The following HEATR4 variants were observed in gnomAD, a reference collection of about 807,000 sequenced individuals.
The protein encoded by HEATR4 is HEAT repeat containing 4.
HEATR4 carries 95 observed loss-of-function variants against 108.8 expected under a neutral mutation model. The ratio of observed to expected loss-of-function variants is 0.87; its 90% CI spans 0.74 to 1.04. The LOEUF is 1.04. Ranked by LOEUF, HEATR4 falls within the 50% of genes least tolerant of loss-of-function variation. HEATR4 has a pLI of 0.00. For missense variants in HEATR4, 1,152 were observed against 1,253.8 expected, an observed-to-expected ratio of 0.92 and a Z score of 1.23; for synonymous variants, 443 against 459.4, an observed-to-expected ratio of 0.96 and a Z score of 0.46.
At position 73,498,281 on chromosome 14, in the gene HEATR4, T is replaced by C. The variant is rs1161024262; in HGVS notation, c.2420A>G (p.Tyr807Cys). 3 of 1,613,906 alleles carry C rather than the reference T, an allele frequency of 1.9e-6. No homozygotes were observed. The highest frequency in any genetic ancestry group is 2.2e-5 in the East Asian group (1 of 44,892). ...LTDLLLWAIH[Y>C]EESPGVRLEA... ...CAGCCGTACACCTGGTGACTCTTCA[T>C]AGTGGATAGCCCAGAGCAGAAGATC... Residue 807 changes from tyrosine to cysteine, a missense_variant, in exon 14 of 18, where the codon TAT (tyrosine) becomes TGT (cysteine). By Grantham distance (194) the Tyr-to-Cys change is radical. Transcript: ENST00000553558.
rs1889408969 is a variant in HEATR4, at chr14:73,557,041, C to G, written c.-152+1710G>C. Among the ~76,000 whole-genome samples, 2 of 114,068 alleles carry G rather than the reference C, an allele frequency of 1.8e-5. 1 individual carries two copies. The highest frequency in any genetic ancestry group is 5.5e-4 in the South Asian group (2 of 3,620). 74.8% of individuals were successfully genotyped at this position (114,068 alleles called of 152,430 possible). On this transcript the variant is annotated intron_variant, in intron 1 of 17. Coordinates refer to ENST00000553558, the MANE Select transcript of HEATR4 (RefSeq NM_001220484.1). The stretch of plus-strand genomic sequence containing the variant: ...CACCCCACTCCCAACAAATAGCCCT[C>G]TAGAACCAAAAGCAGAGTGGCAGGT...
chr14:73,484,861 C>T (rs1003364044), intron 17 of HEATR4, among the ~76,000 whole-genome samples: 1 of 148,406 alleles, frequency 6.7e-6, no homozygotes, highest in Non-Finnish European at 1.5e-5. Flanking sequence ...CACACACACA[C>T]ATATATGGTT....
At chr14:73,577,803 C>A in the HEATR4 span, among the ~76,000 whole-genome samples, 1 of 151,826 alleles carries the variant, frequency 6.6e-6, no homozygotes, top group Non-Finnish European at 1.5e-5. Context: ...TGCTTGAGCC[C>A]AGGAGTTCAA....
chr14:73,569,610 C>T, the HEATR4 span: 12 of 1,600,868 alleles, frequency 7.5e-6, no homozygotes, highest in Admixed American at 1.7e-5. Flanking sequence ...CGAGCTGGAC[C>T]TGGAGCGCGC....
the HEATR4 span, among the ~76,000 whole-genome samples, chr14:73,589,189 T>C: frequency 1.6e-4 from 24 of 152,334 alleles, no homozygotes; most frequent in East Asian, 4.0e-3. Flanking sequence ...TACAGTATCA[T>C]ACAGAACAGC....
In HEATR4 at chr14:73,520,953, A is replaced by G. The variant is rs868711648; in HGVS notation, c.968T>C (p.Leu323Pro). 6.2e-7 allele frequency: 1 copy of G among 1,613,754 alleles called. No homozygotes were observed. Among genetic ancestry groups the G allele is most frequent in the African/African-American group, 1.3e-5 (1 of 74,894 alleles). ...GTAGCTCTGGGTTTGGGGCTGGGAG[A>G]GGCTCGTCTTTTCATGGATATCCTC... ...STEDIHEKTS[L>P]SQPQTQSYFR... Residue 323 changes from leucine (L) to proline (P), a missense_variant, in exon 4 of 18, where the codon CTC becomes CCC. Leu to Pro is a moderately conservative substitution (Grantham distance 98, BLOSUM62 -3). Transcript: ENST00000553558.
At chr14:73,490,909 G>A (rs1885662856) in intron 17 of HEATR4, 4 of 1,199,626 alleles carry the variant, frequency 3.3e-6, no homozygotes, top group Non-Finnish European at 4.2e-6. Context: ...ACCCCGAGGT[G>A]GCTGGAGGCC....
intron 17 of HEATR4, among the ~76,000 whole-genome samples, chr14:73,479,350 T>TGTGACCAGCCCGCCTC (rs1885149425): frequency 6.6e-6 from 1 of 151,924 alleles, no homozygotes; most frequent in South Asian, 2.1e-4. Context: ...CTCCTGACCT[T>TGTGACCAGCCCGCCTC]GTGACCAGCC....
At chr14:73,494,155 C>T (rs1312382834) in intron 16 of HEATR4, among the ~76,000 whole-genome samples, 6 of 152,100 alleles carry the variant, frequency 3.9e-5, no homozygotes, top group African/African-American at 9.7e-5. Flanking sequence ...TCTGGCAGTT[C>T]GAAGAAACTT....
chr14:73,620,203 C>T, the HEATR4 span, among the ~76,000 whole-genome samples: 8 of 152,310 alleles, frequency 5.3e-5, no homozygotes, highest in South Asian at 1.2e-3. Flanking sequence ...GTGTGAGCAA[C>T]CACACCCAGC....
intron 17 of HEATR4, chr14:73,491,745 C>G: frequency 2.6e-6 from 4 of 1,556,544 alleles, no homozygotes; most frequent in South Asian, 2.4e-5. Context: ...GGACTTTTCT[C>G]TACCGCTGAC....
intron 10 of HEATR4, 91 bp from the exon 11 acceptor site, chr14:73,503,104 A>G: frequency 2.0e-6 from 2 of 980,870 alleles, no homozygotes; most frequent in Non-Finnish European, 3.2e-6. Context: ...TTTTTTACTC[A>G]TCACTGTACT....
At chr14:73,566,417 G>A in the HEATR4 span, among the ~76,000 whole-genome samples, 2 of 152,254 alleles carry the variant, frequency 1.3e-5, no homozygotes, top group African/African-American at 4.8e-5. Context: ...AGGCTGCACA[G>A]GAGCCCACGG....
At chr14:73,517,169 C>T (rs1384632042) in intron 5 of HEATR4, 4 of 152,082 alleles carry the variant, frequency 2.6e-5, no homozygotes, top group African/African-American at 7.2e-5. Context: ...CCCTGATCCT[C>T]CTGCATCAGC....
intron 16 of HEATR4, 118 bp downstream of exon 16, chr14:73,495,110 G>A (rs1169570676): frequency 2.6e-6 from 2 of 781,664 alleles, no homozygotes; most frequent in East Asian, 5.2e-5. Flanking sequence ...AGGGAAGAGA[G>A]TACCCTTTCC....
the HEATR4 span, chr14:73,573,246 C>A: frequency 7.8e-7 from 1 of 1,287,558 alleles, no homozygotes; most frequent in Non-Finnish European, 1.1e-6. Flanking sequence ...GGTTTCTGGA[C>A]GAACAGGTTT....
upstream of HEATR4, among the ~76,000 whole-genome samples, chr14:73,559,765 C>T (rs1362262648): frequency 6.6e-6 from 1 of 151,920 alleles, no homozygotes; most frequent in Non-Finnish European, 1.5e-5. Context: ...TAAAAAAACC[C>T]TCTAGATATA....
the HEATR4 span, among the ~76,000 whole-genome samples, chr14:73,576,793 C>CAAAAAAAAAAAAAAAGAAAAAA: frequency 8.3e-5 from 1 of 12,096 alleles, no homozygotes; most frequent in Non-Finnish European, 1.8e-4. Context: ...GACACAGTCT[C>CAAAAAAAAAAAAAAAGAAAAAA]AAAAAAAAAA....
chr14:73,606,137 C>A, the HEATR4 span, among the ~76,000 whole-genome samples: 2,899 of 152,078 alleles, frequency 0.019, 95 homozygotes, highest in African/African-American at 0.065. Context: ...CTGTAATCCT[C>A]CCTGACGTCG....
Sources: allele counts gnomAD v4.1 joint callset (sites outside exome capture counted in the v4.1 genomes callset), GRCh38; gene constraint gnomAD v4.1.1; transcripts MANE v1.5; gene names NCBI Gene and HGNC (gene_info 2026-07-23, HGNC 2026-07-21).